Variants in ST18 observed in about 807,000 individuals in gnomAD.
ST18 encodes the protein ST18 C2H2C-type zinc finger transcription factor.
Under a neutral mutation model 110.0 loss-of-function variants are expected in ST18, and 50 were observed. The observed-to-expected ratio is 0.45, with a 90% CI of 0.36 to 0.58. The LOEUF (loss-of-function observed/expected upper bound fraction) is 0.58, where lower values mean the gene tolerates loss of function less well. Among genes scored for constraint, ST18 ranks in the 20% least tolerant of loss-of-function variants. ST18 has a pLI of 0.00. For synonymous variants in ST18, 461 were observed against 452.4 expected, an observed-to-expected ratio of 1.02 and a Z score of -0.24; for missense variants, 1,306 against 1,280.1, an observed-to-expected ratio of 1.02 and a Z score of -0.31.
At chr8:52,187,318 G>T (rs7001880) in intron 8 of ST18, among the ~76,000 whole-genome samples, 31,656 of 152,096 alleles carry the variant, frequency 0.21, 6,805 homozygotes, top group African/African-American at 0.55. Flanking sequence ...TATCTCTAAA[G>T]CTCAGAGAGG....
intron 2 of ST18, among the ~76,000 whole-genome samples, chr8:52,355,700 C>T (rs1020214011): frequency 1.3e-5 from 2 of 152,158 alleles, no homozygotes; most frequent in African/African-American, 2.4e-5. Flanking sequence ...CTTAAACTGC[C>T]TACCATTCTC....
At chr8:52,124,108 G>A (rs914138015) in intron 23 of ST18, among the ~76,000 whole-genome samples, 7 of 152,092 alleles carry the variant, frequency 4.6e-5, no homozygotes, top group Non-Finnish European at 8.8e-5. Context: ...CTTCGCACAC[G>A]TCTTAGTGTC....
intron 2 of ST18, among the ~76,000 whole-genome samples, chr8:52,322,308 T>C (rs990209553): frequency 5.3e-5 from 8 of 152,276 alleles, no homozygotes; most frequent in Middle Eastern, 3.4e-3. Flanking sequence ...TCCTAGTAGA[T>C]CTCTCCTTCC....
intron 2 of ST18, among the ~76,000 whole-genome samples, chr8:52,367,962 G>A (rs1828792226): frequency 1.3e-5 from 2 of 152,186 alleles, no homozygotes; most frequent in Admixed American, 1.3e-4. Flanking sequence ...CAAGGTATCT[G>A]AGCTAGTATT....
rs141559940 is a variant in ST18, at chr8:52,161,424, G to C, written c.1545C>G (p.Arg515=). 641 of 1,614,186 alleles carry C rather than the reference G, an allele frequency of 4.0e-4. 3 individuals are homozygous for C. The highest frequency in any genetic ancestry group is 6.6e-4 in the Middle Eastern group (4 of 6,062). Reference sequence around the variant, plus strand: ...GTCCTTGCACTGTTTGTATGAGAGGGCGTTTACCGAAAACTTGGGCATCAA... The same window carrying C: ...GTCCTTGCACTGTTTGTATGAGAGGCCGTTTACCGAAAACTTGGGCATCAA... ...ASFDAQVFGK[R]PLIQTVQGRK... is the part of the protein sequence containing the mutation. Residue 515 remains arginine, a synonymous_variant, in exon 14 of 26, where the codon CGC becomes CGG. Transcript: ENST00000689386.
At chr8:52,209,784 AAAAAAT>A (rs1176513675) in intron 8 of ST18, among the ~76,000 whole-genome samples, 10 of 138,236 alleles carry the variant, frequency 7.2e-5, no homozygotes, top group African/African-American at 2.8e-4. Flanking sequence ...AAAAAAAAAA[AAAAAAT>A]ATATATATAT....
intron 15 of ST18, among the ~76,000 whole-genome samples, chr8:52,153,981 T>C (rs1018583724): frequency 6.6e-6 from 1 of 152,194 alleles, no homozygotes; most frequent in Non-Finnish European, 1.5e-5. Context: ...TTTGACTGAG[T>C]TTGTTTTTCC....
chr8:52,278,595 C>G (rs1023829920), intron 2 of ST18, among the ~76,000 whole-genome samples: 3 of 152,124 alleles, frequency 2.0e-5, no homozygotes, highest in Non-Finnish European at 2.9e-5. Flanking sequence ...AGCCCAGACC[C>G]TTGGAAAGAA....
chr8:52,286,323 T>C (rs2360797), intron 2 of ST18, among the ~76,000 whole-genome samples: 48,182 of 151,976 alleles, frequency 0.32, 7,945 homozygotes, highest in Middle Eastern at 0.44. Flanking sequence ...TTTCATTTTA[T>C]ATGTAAGAAA....
intron 2 of ST18, among the ~76,000 whole-genome samples, chr8:52,394,206 C>G (rs1455215968): frequency 2.0e-5 from 3 of 152,186 alleles, no homozygotes; most frequent in African/African-American, 7.2e-5. Context: ...CACGTGAACC[C>G]TATAGCCATT....
At chr8:52,406,553 G>A (rs1009591462) in intron 2 of ST18, 2 of 152,194 alleles carry the variant, frequency 1.3e-5, no homozygotes, top group African/African-American at 4.8e-5. Flanking sequence ...ACAGAACCCC[G>A]AACACATGAT....
rs140928598 is a variant in ST18 at position 52,375,940 on chromosome 8, C to T, written c.-465+33388G>A. 9.9e-4 allele frequency among the ~76,000 whole-genome samples: 150 copies of T among 152,282 alleles called. 1 individual carries two copies. Among genetic ancestry groups the T allele is most frequent in the African/African-American group, 3.5e-3 (147 of 41,568 alleles). On this transcript the variant is annotated intron_variant, in intron 2 of 25. Coordinates refer to ENST00000689386, the MANE Select transcript of ST18 (RefSeq NM_001352837.2). The stretch of plus-strand genomic sequence containing the variant: ...CAAAAGCTAGGAAGGAGCCTTGCAT[C>T]TACTACTCCGCTCACATCCCATCTT...
At chr8:52,356,250 C>T (rs1822689496) in intron 2 of ST18, among the ~76,000 whole-genome samples, 1 of 152,064 alleles carries the variant, frequency 6.6e-6, no homozygotes, top group South Asian at 2.1e-4. Context: ...TGTCCCAATA[C>T]CGGGTCAGTT....
chr8:52,124,930 C>G (rs1054748183), intron 23 of ST18, among the ~76,000 whole-genome samples: 3 of 152,126 alleles, frequency 2.0e-5, no homozygotes, highest in Non-Finnish European at 4.4e-5. Context: ...AAAGATTGAG[C>G]AATGCTTTCA....
chr8:52,202,353 A>G (rs745856898), intron 8 of ST18, among the ~76,000 whole-genome samples: 14 of 152,232 alleles, frequency 9.2e-5, no homozygotes, highest in Non-Finnish European at 2.1e-4. Flanking sequence ...GGTAAATAAA[A>G]TAAATTTTTT....
intron 2 of ST18, among the ~76,000 whole-genome samples, chr8:52,301,158 A>G (rs904056726): frequency 1.1e-4 from 16 of 152,224 alleles, no homozygotes; most frequent in African/African-American, 3.9e-4. Context: ...ATGGCCATAT[A>G]TGTTAATGCT....
At chr8:52,148,629 G>A (rs2058007883) in intron 16 of ST18, among the ~76,000 whole-genome samples, 1 of 143,048 alleles carries the variant, frequency 7.0e-6, no homozygotes, top group Non-Finnish European at 1.5e-5. Flanking sequence ...TGGACTTGGA[G>A]ATGTTGGCAA....
At chr8:52,154,142 C>G (rs928405974) in intron 15 of ST18, among the ~76,000 whole-genome samples, 11 of 152,182 alleles carry the variant, frequency 7.2e-5, no homozygotes, top group Non-Finnish European at 1.6e-4. Flanking sequence ...ATCCCTGACC[C>G]AAGACCGTCA....
chr8:52,364,298 G>A (rs1386634854), intron 2 of ST18, among the ~76,000 whole-genome samples: 1 of 152,000 alleles, frequency 6.6e-6, no homozygotes, highest in Non-Finnish European at 1.5e-5. Context: ...TTGAAATGAG[G>A]AAATCTAAGA....
Sources: allele counts gnomAD v4.1 joint callset (sites outside exome capture counted in the v4.1 genomes callset), GRCh38; gene constraint gnomAD v4.1.1; transcripts MANE v1.5; gene names NCBI Gene and HGNC (gene_info 2026-07-23, HGNC 2026-07-21).